Variants in CNTNAP2 observed in about 807,000 individuals in gnomAD.
The protein encoded by CNTNAP2 is contactin associated protein 2.
A neutral mutation model predicts 155.2 loss-of-function variants in CNTNAP2; 98 were observed. That is an observed-to-expected ratio of 0.63 (90% confidence interval 0.54 to 0.75). CNTNAP2 has a LOEUF of 0.75. CNTNAP2 is among the 30% of genes least tolerant of loss of function. CNTNAP2 has a pLI of 0.00. For missense variants in CNTNAP2, 1,727 were observed against 1,688.1 expected (o/e 1.02, Z -0.40); for synonymous variants, 651 against 631.2 (o/e 1.03, Z -0.47).
At chr7:146,825,674 G>A (rs1803386163) in intron 2 of CNTNAP2, among the ~76,000 whole-genome samples, 1 of 152,050 alleles carries the variant, frequency 6.6e-6, no homozygotes, top group Non-Finnish European at 1.5e-5. Context: ...GAGATACAAA[G>A]CAATTTTCCA....
chr7:147,898,964 A>G (rs1799816778), intron 13 of CNTNAP2, among the ~76,000 whole-genome samples: 1 of 83,578 alleles, frequency 1.2e-5, no homozygotes, highest in Non-Finnish European at 2.5e-5. Context: ...CATATTGCAA[A>G]ATGTCTTTTT....
At chr7:146,377,802 G>T (rs904874249) in intron 1 of CNTNAP2, among the ~76,000 whole-genome samples, 1 of 152,138 alleles carries the variant, frequency 6.6e-6, no homozygotes, top group African/African-American at 2.4e-5. Flanking sequence ...TAGGGCAGGG[G>T]CTATAAAAGA....
At chr7:146,357,121 G>T (rs994345316) in intron 1 of CNTNAP2, among the ~76,000 whole-genome samples, 1 of 149,732 alleles carries the variant, frequency 6.7e-6, no homozygotes, top group Non-Finnish European at 1.5e-5. Context: ...GGTTGGGAGA[G>T]AAATGATATT....
At chr7:146,590,327 C>A (rs986545836) in intron 1 of CNTNAP2, among the ~76,000 whole-genome samples, 1 of 152,092 alleles carries the variant, frequency 6.6e-6, no homozygotes, top group African/African-American at 2.4e-5. Context: ...TATTATTATT[C>A]ATAACACACA....
intron 1 of CNTNAP2, among the ~76,000 whole-genome samples, chr7:146,308,987 A>G (rs1243182497): frequency 6.6e-6 from 1 of 152,046 alleles, no homozygotes; most frequent in African/African-American, 2.4e-5. Context: ...AATAATAATA[A>G]AGAAAGAAAG....
intron 14 of CNTNAP2, among the ~76,000 whole-genome samples, chr7:147,971,344 A>C (rs1160870476): frequency 6.6e-6 from 1 of 152,194 alleles, no homozygotes; most frequent in Non-Finnish European, 1.5e-5. Context: ...TTAACTGTAC[A>C]AGTGTACAGG....
chr7:146,658,614 C>T (rs1157454140), intron 1 of CNTNAP2, among the ~76,000 whole-genome samples: 2 of 151,990 alleles, frequency 1.3e-5, no homozygotes, highest in Non-Finnish European at 2.9e-5. Flanking sequence ...ATTGAATATA[C>T]TGGAAGTATG....
chr7:148,364,092 C>T (rs1332498165), intron 21 of CNTNAP2, among the ~76,000 whole-genome samples: 1 of 152,226 alleles, frequency 6.6e-6, no homozygotes, highest in Non-Finnish European at 1.5e-5. Context: ...GAGCCTCCCA[C>T]CCACTCCATG....
At chr7:146,712,094 AGTATACATATCTTATGTATACATATAT>A (rs1801091451) in intron 1 of CNTNAP2, among the ~76,000 whole-genome samples, 31 of 121,402 alleles carry the variant, frequency 2.6e-4, no homozygotes, top group East Asian at 5.2e-4. Flanking sequence ...TATACTATAT[AGTATACATATCTTATGTATACATATAT>A]GTATACATAT....
chr7:148,211,528 G>A (rs1377930696), intron 18 of CNTNAP2, among the ~76,000 whole-genome samples: 1 of 152,174 alleles, frequency 6.6e-6, no homozygotes. Context: ...CATCATGTTG[G>A]TAGCTTGAAG....
At chr7:146,924,677 A>G (rs969620388) in intron 3 of CNTNAP2, among the ~76,000 whole-genome samples, 2 of 152,130 alleles carry the variant, frequency 1.3e-5, no homozygotes, top group Non-Finnish European at 2.9e-5. Flanking sequence ...GTAGGAAGTC[A>G]GATGATCTTA....
At chr7:147,753,019 A>G (rs1458470172) in intron 13 of CNTNAP2, among the ~76,000 whole-genome samples, 1 of 152,200 alleles carries the variant, frequency 6.6e-6, no homozygotes. Flanking sequence ...GTTTACTGAA[A>G]AAAGCTGATC....
chr7:146,637,822 A>G (rs1799624971), intron 1 of CNTNAP2, among the ~76,000 whole-genome samples: 2 of 152,230 alleles, frequency 1.3e-5, no homozygotes, highest in Admixed American at 6.5e-5. Context: ...ATGGGAAAAA[A>G]TAAGATACCA....
chr7:146,846,128 C>T (rs781096516), intron 3 of CNTNAP2, among the ~76,000 whole-genome samples: 2 of 152,036 alleles, frequency 1.3e-5, no homozygotes, highest in African/African-American at 2.4e-5. Context: ...TGTCGCCTGC[C>T]CCTACATCTT....
chr7:147,041,637 C>T (rs1448653438), intron 3 of CNTNAP2, among the ~76,000 whole-genome samples: 2 of 152,186 alleles, frequency 1.3e-5, no homozygotes, highest in East Asian at 1.9e-4. Flanking sequence ...TTACGTAATG[C>T]ACTTCCATAG....
chr7:147,284,475 T>C (rs1805132433), intron 8 of CNTNAP2, among the ~76,000 whole-genome samples: 1 of 151,902 alleles, frequency 6.6e-6, no homozygotes, highest in Non-Finnish European at 1.5e-5. Context: ...CAAGCACACA[T>C]ACCTGACTTA....
intron 1 of CNTNAP2, among the ~76,000 whole-genome samples, chr7:146,767,451 A>G (rs1802217034): frequency 6.6e-6 from 1 of 152,288 alleles, no homozygotes; most frequent in African/African-American, 2.4e-5. Flanking sequence ...GCATCTGTGT[A>G]TATGTACTAT....
chr7:146,162,147 A>C (rs1398196460), intron 1 of CNTNAP2, among the ~76,000 whole-genome samples: 6 of 152,120 alleles, frequency 3.9e-5, no homozygotes, highest in South Asian at 2.1e-4. Context: ...GCAACAAAAG[A>C]CAAAATTGAC....
At chr7:146,537,798 G>T (rs948767805) in intron 1 of CNTNAP2, among the ~76,000 whole-genome samples, 3 of 152,098 alleles carry the variant, frequency 2.0e-5, no homozygotes, top group Non-Finnish European at 4.4e-5. Context: ...TAACAGGCCA[G>T]TAAGACTTGG....
Sources: allele counts gnomAD v4.1 joint callset (sites outside exome capture counted in the v4.1 genomes callset), GRCh38; gene constraint gnomAD v4.1.1; transcripts MANE v1.5; gene names NCBI Gene and HGNC (gene_info 2026-07-23, HGNC 2026-07-21).